The following PCDHGB1 variants were observed in gnomAD, a reference collection of about 807,000 sequenced individuals.
The protein encoded by PCDHGB1 is protocadherin gamma subfamily B, 1.
PCDHGB1 carries 34 observed loss-of-function variants against 56.6 expected under a neutral mutation model. That is an observed-to-expected ratio of 0.60 (90% CI 0.46 to 0.80). PCDHGB1 has a LOEUF of 0.80. Among genes scored for constraint, PCDHGB1 ranks in the 30% least tolerant of loss-of-function variants. PCDHGB1 has a pLI of 0.00. For synonymous variants in PCDHGB1, 561 were observed against 505.9 expected (o/e 1.11, Z -1.46); for missense variants, 1,278 against 1,204.6 (o/e 1.06, Z -0.90).
chr5:141,476,843 G>A lies in PCDHGB1; in HGVS notation c.2410-17964G>A, dbSNP rs2099399765. On this transcript the variant is annotated intron_variant, in intron 1 of 3. Transcript: ENST00000523390. The surrounding 1 kb of genome is among the most constrained non-coding windows in gnomAD (Gnocchi z 7.6). ...GCTGGACGCGAATGACAATGCGCCT[G>A]TCTTCAACCAGTCCTTGTACCGGGC... 1 of 1,613,706 alleles carries A rather than the reference G, an allele frequency of 6.2e-7. No individual in the cohort carries two copies. Among genetic ancestry groups the A allele is most frequent in the Non-Finnish European group, 8.5e-7 (1 of 1,180,046 alleles).
intron 1 of PCDHGB1, chr5:141,374,361 A>G (rs1418865389): frequency 6.2e-7 from 1 of 1,614,016 alleles, no homozygotes; most frequent in East Asian, 2.2e-5. Flanking sequence ...ATAGACCGCG[A>G]GGAGCTCTGT....
chr5:141,375,028 T>C, intron 1 of PCDHGB1: 1 of 1,614,042 alleles, frequency 6.2e-7, no homozygotes, highest in Non-Finnish European at 8.5e-7. Flanking sequence ...CGAGTTTTTA[T>C]GAGCTGGGTG....
At chr5:141,405,047 G>T (rs754907464) in intron 1 of PCDHGB1, 1 of 1,613,944 alleles carries the variant, frequency 6.2e-7, no homozygotes, top group Non-Finnish European at 8.5e-7. Flanking sequence ...GGCTGTGGCA[G>T]TCGTCTCCTG....
chr5:141,374,573 A>T (rs1319007072), intron 1 of PCDHGB1: 15 of 1,613,740 alleles, frequency 9.3e-6, no homozygotes, highest in Non-Finnish European at 1.3e-5. Context: ...TGATGTGGGA[A>T]TGAACTCCCT....
In PCDHGB1 at chr5:141,419,577, C is replaced by A. The variant is rs1182305164; in HGVS notation, c.2409+66908C>A. ...CCTGCGCTGGGTCCCGACGGCTCCG[C>A]GCTCTTCGACACAGTGCCGCGGGCC... On this transcript the variant is annotated intron_variant, in intron 1 of 3. Coordinates refer to ENST00000523390, the MANE Select transcript of PCDHGB1 (RefSeq NM_018922.3). 3.1e-6 allele frequency: 5 copies of A among 1,611,732 alleles called. No individual in the cohort carries two copies. The South Asian group carries it at 5.5e-5, about 18-fold the overall frequency.
intron 2 of PCDHGB1, among the ~76,000 whole-genome samples, chr5:141,497,661 T>A (rs1485909952): frequency 3.3e-5 from 5 of 151,062 alleles, no homozygotes; most frequent in African/African-American, 4.9e-5. Context: ...TGCCTCAGCC[T>A]CCCGAGTAGC....
chr5:141,402,110 T>G (rs900421956), intron 1 of PCDHGB1, among the ~76,000 whole-genome samples: 1 of 152,150 alleles, frequency 6.6e-6, no homozygotes, highest in Admixed American at 6.5e-5. Context: ...ATTACAAAAA[T>G]GTGAAAATTT....
intron 1 of PCDHGB1, chr5:141,362,185 C>G: frequency 6.2e-7 from 1 of 1,614,022 alleles, no homozygotes. Context: ...GCCCTCTGAC[C>G]CCCAGGCAAA....
At chr5:141,388,529 G>A in intron 1 of PCDHGB1, 1 of 1,613,814 alleles carries the variant, frequency 6.2e-7, no homozygotes, top group South Asian at 1.1e-5. Context: ...TGACTGCCTT[G>A]GACTTTGGAG....
chr5:141,497,689 A>G (rs951295378), intron 2 of PCDHGB1, among the ~76,000 whole-genome samples: 1 of 151,958 alleles, frequency 6.6e-6, no homozygotes, highest in African/African-American at 2.4e-5. Flanking sequence ...GCAGGTGTGC[A>G]CCACCACACC....
chr5:141,359,404 A>T (rs979392497), intron 1 of PCDHGB1, among the ~76,000 whole-genome samples: 3 of 152,032 alleles, frequency 2.0e-5, no homozygotes, highest in East Asian at 3.8e-4. Context: ...CAAATTTTTT[A>T]AAAAATGTGT....
At chr5:141,421,455 C>T (rs762490406) in intron 1 of PCDHGB1, 7 of 1,614,108 alleles carry the variant, frequency 4.3e-6, no homozygotes, top group Non-Finnish European at 4.2e-6. Flanking sequence ...CACAGCTTTT[C>T]GCTGTGAATC....
chr5:141,427,087 A>T, intron 1 of PCDHGB1: 1 of 458,198 alleles, frequency 2.2e-6, no homozygotes, highest in Non-Finnish European at 4.4e-6. Flanking sequence ...ACTGACCAGG[A>T]TGAGGGTGTC....
intron 1 of PCDHGB1, chr5:141,384,773 A>C (rs775593747): frequency 6.2e-6 from 10 of 1,613,726 alleles, no homozygotes; most frequent in Middle Eastern, 1.6e-4. Flanking sequence ...TACACGGGCG[A>C]GGTGCGCACG....
In PCDHGB1 at chr5:141,413,305, G is replaced by A. The variant is rs780711139; in HGVS notation, c.2409+60636G>A. 1.5e-5 allele frequency: 25 copies of A among 1,613,870 alleles called. No individual in the cohort carries two copies. The South Asian group carries it at 2.0e-4, about 13-fold the overall frequency. ...CTCCTACTCAATTCCTGAGGAATTA[G>A]AGAAAGGCTCTTTCGTGGGCAACAT... is the stretch of plus-strand genomic sequence containing the variant. On this transcript the variant is annotated intron_variant, in intron 1 of 3. Transcript: ENST00000523390.
Position 141,485,220 on chromosome 5 carries a change from C to T in PCDHGB1, c.2410-9587C>T. The T allele has an allele frequency of 6.2e-7, 1 of 1,614,192 alleles. No homozygotes were observed. The highest frequency in any genetic ancestry group is 8.5e-7 in the Non-Finnish European group (1 of 1,180,024). On this transcript the variant is annotated intron_variant, in intron 1 of 3. Transcript: ENST00000523390. This position sits in a 1 kb window ranked among gnomAD's most constrained non-coding sequence, Gnocchi z 5.7. ...TGGACAGAAATCTGGCGGTGGGCTA[C>T]CCTTTTGTTCCTCTTTTACCACCTG... is the stretch of plus-strand genomic sequence containing the variant.
chr5:141,489,530 G>C lies in PCDHGB1; in HGVS notation c.2410-5277G>C, dbSNP rs751249228. 17 of 1,614,092 alleles carry C rather than the reference G, an allele frequency of 1.1e-5. 1 individual carries two copies. In the South Asian group the frequency reaches 1.9e-4, roughly 18 times the overall value. ...AAGATTGACCGAGAAAGCCTATGTG[G>C]AGCCAGCACCAGCTGCCTGCTGCCA... On this transcript the variant is annotated intron_variant, in intron 1 of 3. Coordinates refer to ENST00000523390, the MANE Select transcript of PCDHGB1 (RefSeq NM_018922.3). The surrounding 1 kb of genome is among the most constrained non-coding windows in gnomAD (Gnocchi z 4.5).
intron 1 of PCDHGB1, chr5:141,371,408 A>G (rs1767731278): frequency 6.2e-7 from 1 of 1,614,038 alleles, no homozygotes; most frequent in Admixed American, 1.7e-5. Flanking sequence ...TAGATATTTC[A>G]GATGAAAATG....
intron 1 of PCDHGB1, chr5:141,384,886 G>T: frequency 6.2e-7 from 1 of 1,613,822 alleles, no homozygotes. Context: ...ACTCACCGTG[G>T]CTGTGGCTGA....
Sources: allele counts gnomAD v4.1 joint callset (sites outside exome capture counted in the v4.1 genomes callset), GRCh38; gene constraint gnomAD v4.1.1; non-coding constraint Gnocchi (gnomAD v3.1); transcripts MANE v1.5; gene names NCBI Gene and HGNC (gene_info 2026-07-23, HGNC 2026-07-21).